Variants in FMN1 observed in about 807,000 individuals in gnomAD.
FMN1 encodes formin 1.
A neutral mutation model predicts 132.4 loss-of-function variants in FMN1; 110 were observed. The ratio of observed to expected loss-of-function variants is 0.83; its 90% CI spans 0.71 to 0.97. FMN1 has a LOEUF of 0.97. Among genes scored for constraint, FMN1 ranks in the 50% least tolerant of loss-of-function variants. The probability of loss-of-function intolerance (pLI) is 0.00; values close to 1 mark genes in which losing one functional copy is unlikely to be tolerated. For missense variants in FMN1, 1,792 were observed against 1,705.3 expected (o/e 1.05, Z -0.90); for synonymous variants, 722 against 651.7 (o/e 1.11, Z -1.64).
intron 3 of FMN1, among the ~76,000 whole-genome samples, chr15:33,167,593 C>A (rs1194152925): frequency 1.3e-5 from 2 of 152,170 alleles, no homozygotes; most frequent in Non-Finnish European, 2.9e-5. Flanking sequence ...TCCCTGCCTG[C>A]ACAGTCAAAA....
intron 18 of FMN1, among the ~76,000 whole-genome samples, chr15:32,802,655 G>A (rs1478143555): frequency 1.3e-5 from 2 of 152,168 alleles, no homozygotes; most frequent in African/African-American, 4.8e-5. Context: ...AGCAGTTTCG[G>A]CCCCTCCACG....
chr15:33,062,191 C>T (rs2037514995), intron 6 of FMN1, among the ~76,000 whole-genome samples: 1 of 152,066 alleles, frequency 6.6e-6, no homozygotes, highest in Admixed American at 6.6e-5. Flanking sequence ...AAGGCATATA[C>T]TCTTATGTAT....
At chr15:33,163,224 G>C (rs1303951698) in intron 3 of FMN1, among the ~76,000 whole-genome samples, 1 of 152,074 alleles carries the variant, frequency 6.6e-6, no homozygotes, top group Non-Finnish European at 1.5e-5. Context: ...GAGAATGCTA[G>C]TGGTTAAGAC....
chr15:32,778,374 A>T (rs2056559676), intron 19 of FMN1, among the ~76,000 whole-genome samples: 2 of 150,280 alleles, frequency 1.3e-5, no homozygotes, highest in Non-Finnish European at 3.0e-5. Context: ...CCACCTCCAG[A>T]ATGGGAAAAA....
At chr15:32,950,762 G>A (rs112667349) in intron 9 of FMN1, among the ~76,000 whole-genome samples, 7 of 152,088 alleles carry the variant, frequency 4.6e-5, no homozygotes, top group Non-Finnish European at 2.9e-5. Flanking sequence ...CCTGGGTGAC[G>A]AAATAATCTA....
intron 17 of FMN1, among the ~76,000 whole-genome samples, chr15:32,829,503 A>AT (rs1251891017): frequency 6.6e-6 from 1 of 152,170 alleles, no homozygotes; most frequent in Non-Finnish European, 1.5e-5. Context: ...AGGGCTCTAT[A>AT]TGTGGCTGCT....
chr15:33,031,411 T>TC (rs1469645342), intron 6 of FMN1, among the ~76,000 whole-genome samples: 1 of 152,146 alleles, frequency 6.6e-6, no homozygotes, highest in Non-Finnish European at 1.5e-5. Context: ...GGCCCAGTCC[T>TC]CTCCAGAGGA....
rs561657955 is a variant in FMN1 at position 33,021,418 on chromosome 15, C to G, written c.2162-13343G>C. Among the ~76,000 whole-genome samples the G allele has an allele frequency of 2.6e-5, 4 of 152,214 alleles. No homozygotes were observed. In the East Asian group the frequency reaches 7.7e-4, roughly 29 times the overall value. Reference sequence around the variant, plus strand: ...ATGCTTCCAGCAACTGGGGTGGAGTCTCACCAACTTCTCTCTCTCTCTATG... The same window carrying G: ...ATGCTTCCAGCAACTGGGGTGGAGTGTCACCAACTTCTCTCTCTCTCTATG... On this transcript the variant is annotated intron_variant, in intron 6 of 20. Transcript: ENST00000616417.
At chr15:32,820,040 T>C (rs2058167478) in intron 17 of FMN1, among the ~76,000 whole-genome samples, 1 of 152,202 alleles carries the variant, frequency 6.6e-6, no homozygotes, top group African/African-American at 2.4e-5. Context: ...ATTACAGATA[T>C]TTAAACATTT....
intron 9 of FMN1, among the ~76,000 whole-genome samples, chr15:32,936,958 G>A (rs1432505420): frequency 6.6e-6 from 1 of 152,156 alleles, no homozygotes; most frequent in Non-Finnish European, 1.5e-5. Context: ...CAGGCATCTA[G>A]AGTATGCTGT....
rs142668927 is a variant in FMN1 at position 32,941,829 on chromosome 15, T to C, written c.3139-15568A>G. 2.6e-3 allele frequency among the ~76,000 whole-genome samples: 389 copies of C among 152,306 alleles called. 1 individual carries two copies. The highest frequency in any genetic ancestry group is 8.6e-3 in the African/African-American group (358 of 41,570). ...AAACCTCAAGATCACCATTTTTTTT[T>C]AAACAAGAGATGTTTTATATCAGAT... On this transcript the variant is annotated intron_variant, in intron 9 of 20. Coordinates refer to ENST00000616417, the MANE Select transcript of FMN1 (RefSeq NM_001277313.2).
At chr15:33,081,082 C>T (rs1400838680) in intron 5 of FMN1, among the ~76,000 whole-genome samples, 4 of 152,150 alleles carry the variant, frequency 2.6e-5, no homozygotes, top group Non-Finnish European at 5.9e-5. Flanking sequence ...TCACCCCCTG[C>T]ACGGAGGGTA....
intron 6 of FMN1, among the ~76,000 whole-genome samples, chr15:33,031,169 A>T (rs8043116): frequency 6.6e-6 from 1 of 151,904 alleles, no homozygotes; most frequent in Non-Finnish European, 1.5e-5. Context: ...AAATACAGCC[A>T]GGATTCGAAC....
At chr15:32,865,469 G>A (rs974530502) in intron 16 of FMN1, among the ~76,000 whole-genome samples, 1 of 152,200 alleles carries the variant, frequency 6.6e-6, no homozygotes, top group South Asian at 2.1e-4. Context: ...TGGGAAATGA[G>A]TTTGAGATGC....
chr15:32,845,859 A>G (rs1246284914), intron 17 of FMN1, among the ~76,000 whole-genome samples: 1 of 152,176 alleles, frequency 6.6e-6, no homozygotes, highest in East Asian at 1.9e-4. Context: ...GTATTTATTA[A>G]AGCTTTATAG....
At chr15:33,151,343 G>C in intron 4 of FMN1, 4 of 1,536,612 alleles carry the variant, frequency 2.6e-6, no homozygotes, top group Non-Finnish European at 3.5e-6. Context: ...TCTTATGACT[G>C]GTTCCTGAAA....
At chr15:32,830,700 C>A (rs1274939435) in intron 17 of FMN1, among the ~76,000 whole-genome samples, 1 of 152,024 alleles carries the variant, frequency 6.6e-6, no homozygotes, top group African/African-American at 2.4e-5. Flanking sequence ...GAAAGAGGGG[C>A]AGTTATATTA....
At chr15:33,058,084 A>AAAGGTGTGG in intron 6 of FMN1, among the ~76,000 whole-genome samples, 1 of 109,204 alleles carries the variant, frequency 9.2e-6, no homozygotes, top group South Asian at 3.2e-4. Flanking sequence ...GAAAGGTGTG[A>AAAGGTGTGG]TGGGGGTGCT....
intron 9 of FMN1, among the ~76,000 whole-genome samples, chr15:32,945,323 A>G (rs142440559): frequency 3.3e-4 from 50 of 152,208 alleles, no homozygotes; most frequent in Non-Finnish European, 5.6e-4. Flanking sequence ...TACTAAAGCT[A>G]TTGTACTCAT....
Sources: allele counts gnomAD v4.1 joint callset (sites outside exome capture counted in the v4.1 genomes callset), GRCh38; gene constraint gnomAD v4.1.1; transcripts MANE v1.5; gene names NCBI Gene and HGNC (gene_info 2026-07-23, HGNC 2026-07-21).